Variants in GABRG3 observed in about 807,000 individuals in gnomAD.
The protein encoded by GABRG3 is gamma-aminobutyric acid receptor subunit gamma-3.
A neutral mutation model predicts 48.8 loss-of-function variants in GABRG3; 25 were observed. That is an observed-to-expected ratio of 0.51 (90% CI 0.37 to 0.72). The LOEUF (loss-of-function observed/expected upper bound fraction) is 0.72. Ranked by LOEUF, GABRG3 falls within the 30% of genes least tolerant of loss-of-function variation. The pLI, the probability that GABRG3 is intolerant of heterozygous loss-of-function variation, is 0.00. For missense variants in GABRG3, 394 were observed against 577.9 expected, an observed-to-expected ratio of 0.68 and a Z score of 3.26; for synonymous variants, 227 against 217.6, an observed-to-expected ratio of 1.04 and a Z score of -0.38.
chr15:27,318,456 G>C (rs975102696), intron 3 of GABRG3, among the ~76,000 whole-genome samples: 1 of 152,098 alleles, frequency 6.6e-6, no homozygotes, highest in South Asian at 2.1e-4. Context: ...TTCCAGTAGA[G>C]CTACCTTGGG....
chr15:27,307,213 A>G (rs1016442753), intron 3 of GABRG3, among the ~76,000 whole-genome samples: 12 of 137,874 alleles, frequency 8.7e-5, no homozygotes, highest in Non-Finnish European at 1.7e-4. Context: ...AAACATGTTT[A>G]TATATAACCA....
At chr15:27,035,793 C>A (rs1896167202) in intron 3 of GABRG3, among the ~76,000 whole-genome samples, 2 of 152,160 alleles carry the variant, frequency 1.3e-5, no homozygotes, top group African/African-American at 4.8e-5. Flanking sequence ...TTCACAGAAG[C>A]CCCTTGGGCA....
chr15:27,123,854 A>G (rs796482031), intron 3 of GABRG3, among the ~76,000 whole-genome samples: 41 of 152,300 alleles, frequency 2.7e-4, no homozygotes, highest in African/African-American at 3.8e-4. Flanking sequence ...AGCCGAGGCC[A>G]CTGTGGAGGC....
chr15:27,415,836 C>T (rs1887924989), intron 5 of GABRG3, among the ~76,000 whole-genome samples: 1 of 151,340 alleles, frequency 6.6e-6, no homozygotes, highest in Non-Finnish European at 1.5e-5. Context: ...TTCCTTTTGT[C>T]CTAAGCAAAT....
chr15:27,010,760 T>C (rs1306429832), intron 2 of GABRG3, among the ~76,000 whole-genome samples: 1 of 152,232 alleles, frequency 6.6e-6, no homozygotes, highest in African/African-American at 2.4e-5. Context: ...TTAATCTCCA[T>C]TGCCTTTGCC....
chr15:27,415,371 G>A (rs1474766618), intron 5 of GABRG3, among the ~76,000 whole-genome samples: 2 of 152,216 alleles, frequency 1.3e-5, no homozygotes, highest in South Asian at 2.1e-4. Context: ...TGGGTCTGGA[G>A]CATTTCTTTT....
At chr15:27,446,827 C>T (rs925758912) in intron 5 of GABRG3, among the ~76,000 whole-genome samples, 1 of 152,132 alleles carries the variant, frequency 6.6e-6, no homozygotes, top group African/African-American at 2.4e-5. Flanking sequence ...TCCATTGAGG[C>T]TCAGTTTTAA....
chr15:27,460,019 A>T (rs1264012235), intron 5 of GABRG3, among the ~76,000 whole-genome samples: 1 of 152,084 alleles, frequency 6.6e-6, no homozygotes. Flanking sequence ...ATGGAATTGG[A>T]CTGCCTTATT....
intron 3 of GABRG3, among the ~76,000 whole-genome samples, chr15:27,077,333 A>T (rs1896926288): frequency 6.6e-6 from 1 of 152,026 alleles, no homozygotes; most frequent in African/African-American, 2.4e-5. Context: ...GACAATTAGG[A>T]TTACCAGGTC....
intron 5 of GABRG3, among the ~76,000 whole-genome samples, chr15:27,475,053 C>A (rs1483219421): frequency 6.6e-6 from 1 of 152,098 alleles, no homozygotes; most frequent in African/African-American, 2.4e-5. Flanking sequence ...TCGCTTGAAC[C>A]TGGAAGGTGG....
At chr15:27,055,090 C>G (rs964732243) in intron 3 of GABRG3, among the ~76,000 whole-genome samples, 69 of 150,280 alleles carry the variant, frequency 4.6e-4, no homozygotes, top group African/African-American at 1.6e-3. Context: ...ACAGCAGCAG[C>G]AGCAACAACA....
intron 3 of GABRG3, among the ~76,000 whole-genome samples, chr15:27,205,518 TTTG>T: frequency 6.6e-6 from 1 of 152,200 alleles, no homozygotes; most frequent in Admixed American, 6.5e-5. Flanking sequence ...AAGTGTTCTT[TTTG>T]TTGTTGTTGC....
At chr15:27,173,530 T>C (rs1595566209) in intron 3 of GABRG3, among the ~76,000 whole-genome samples, 1 of 152,138 alleles carries the variant, frequency 6.6e-6, no homozygotes, top group East Asian at 1.9e-4. Flanking sequence ...AATATGTATA[T>C]TTGGAGTACT....
chr15:27,123,505 G>A (rs1897766649), intron 3 of GABRG3, among the ~76,000 whole-genome samples: 1 of 152,222 alleles, frequency 6.6e-6, no homozygotes, highest in Non-Finnish European at 1.5e-5. Context: ...TCATCTGCTG[G>A]AGCCTTGATC....
chr15:27,245,303 T>C (rs774662567), intron 3 of GABRG3, among the ~76,000 whole-genome samples: 33 of 152,206 alleles, frequency 2.2e-4, no homozygotes, highest in Non-Finnish European at 3.5e-4. Context: ...AGGGGCCTGC[T>C]TTCTCACTTA....
chr15:27,339,100 G>A (rs1894077274), intron 5 of GABRG3, among the ~76,000 whole-genome samples: 2 of 152,160 alleles, frequency 1.3e-5, no homozygotes, highest in South Asian at 4.1e-4. Flanking sequence ...CCAACTAGGA[G>A]GGTCCTGTCT....
At chr15:27,264,370 G>T (rs1192116442) in intron 3 of GABRG3, among the ~76,000 whole-genome samples, 4 of 151,750 alleles carry the variant, frequency 2.6e-5, no homozygotes, top group Admixed American at 2.6e-4. Flanking sequence ...AATCAAAACT[G>T]CCCCTCAAAA....
intron 5 of GABRG3, among the ~76,000 whole-genome samples, chr15:27,408,551 C>A (rs947052313): frequency 5.3e-5 from 8 of 152,136 alleles, no homozygotes; most frequent in African/African-American, 1.9e-4. Context: ...TTGACACAAG[C>A]AAACCCCGGG....
intron 5 of GABRG3, among the ~76,000 whole-genome samples, chr15:27,442,177 G>A (rs1888807641): frequency 1.3e-5 from 2 of 152,136 alleles, no homozygotes. Context: ...CCTTGGCAGA[G>A]GGCACAGGTG....
Sources: allele counts gnomAD v4.1 joint callset (sites outside exome capture counted in the v4.1 genomes callset), GRCh38; gene constraint gnomAD v4.1.1; transcripts MANE v1.5; gene names NCBI Gene and HGNC (gene_info 2026-07-23, HGNC 2026-07-21).